TMEM151B: variants seen among roughly 807,000 people sequenced by gnomAD.
TMEM151B encodes the protein transmembrane protein 193.
In TMEM151B, 18 loss-of-function variants were observed where a neutral mutation model predicts 33.0. The ratio of observed to expected loss-of-function variants is 0.55; its 90% CI spans 0.38 to 0.81. The LOEUF (loss-of-function observed/expected upper bound fraction) is 0.81, where lower values mean the gene tolerates loss of function less well. Among genes scored for constraint, TMEM151B ranks in the 30% least tolerant of loss-of-function variants. The pLI is 0.00. For missense variants in TMEM151B, 672 were observed against 843.4 expected (o/e 0.80, Z 2.52); for synonymous variants, 354 against 373.6 (o/e 0.95, Z 0.61).
Position 44,275,990 on chromosome 6 carries a change from T to G in TMEM151B, c.1164T>G (p.Ser388=). 4 of 1,434,972 alleles carry G rather than the reference T, an allele frequency of 2.8e-6. No individual in the cohort carries two copies. The highest frequency in any genetic ancestry group is 3.7e-6 in the Non-Finnish European group (4 of 1,093,480). The allele number at this position is 1,434,972 out of a possible 1,614,324, so 88.9% of individuals were successfully genotyped here. The change falls in exon 3 of 3, where the codon TCT becomes TCG. Residue 388 remains serine (S), a synonymous_variant. Transcript: ENST00000451188. Reference sequence around the variant, plus strand: ...ACCAGCAGCTGGTGCCCAGCTACTCTGAGGCGGTGCTCATGGACCTGGCGG... The same window carrying G: ...ACCAGCAGCTGGTGCCCAGCTACTCGGAGGCGGTGCTCATGGACCTGGCGG... The part of the protein sequence containing the change: ...RSNQQLVPSY[S]EAVLMDLAGL...
At position 44,273,198 on chromosome 6, in the gene TMEM151B, C is replaced by T; in HGVS notation, c.268C>T (p.Leu90Phe). 1 of 1,549,894 alleles carries T rather than the reference C, an allele frequency of 6.5e-7. No individual in the cohort carries two copies. The change falls in exon 2 of 3, where the codon CTC becomes TTC. Residue 90 changes from leucine to phenylalanine, a missense_variant. This residue lies in a region of TMEM151B where 285 missense variants were observed against 423.1 expected (regional missense o/e 0.67). Transcript: ENST00000451188. ...GTGCCACGTCACCACAGTGACGCGC[C>T]TCACCTTCAGCAGCGCCTACCAGGG... ...AWCHVTTVTR[L>F]TFSSAYQGNS...
rs752972625 is a variant in TMEM151B, at chr6:44,273,578, C to T, written c.576+72C>T. The T allele has an allele frequency of 4.7e-4, 690 of 1,464,150 alleles. 1 individual carries two copies. Among genetic ancestry groups the T allele is most frequent in the South Asian group, 6.3e-4 (46 of 73,574 alleles). 90.7% of individuals were successfully genotyped at this position (1,464,150 alleles called of 1,614,324 possible). A position where few individuals can be genotyped will look rare whatever the true frequency, so the allele number is the denominator to read the frequency against. On this transcript the variant is annotated intron_variant, in intron 2 of 2. Coordinates refer to ENST00000451188, the MANE Select transcript of TMEM151B (RefSeq NM_001137560.2). ...ACTTACGTGCTGCCTCACTCCCTCC[C>T]CACCTCCCTGGGGGGAAGGTGGGAG...
chr6:44,274,578 A>G (rs958213400), intron 2 of TMEM151B, among the ~76,000 whole-genome samples: 1 of 152,236 alleles, frequency 6.6e-6, no homozygotes, highest in Admixed American at 6.5e-5. Context: ...GGTGAGAAGC[A>G]GGAAGGAGGC....
rs1268553130 is a variant in TMEM151B at position 44,277,020 on chromosome 6, TTC to T, written c.*494_*495del. ...ATGGTTTGGTGACCAGCAGGCTGGA[TTC>T]CAACTAGCTAATGCATTCAGCAGGT... On this transcript the variant is annotated 3_prime_UTR_variant, in exon 3 of 3. Transcript: ENST00000451188. The T allele has an allele frequency of 6.5e-6, 1 of 153,066 alleles. No individual in the cohort carries two copies. The highest frequency in any genetic ancestry group is 1.5e-5 in the Non-Finnish European group (1 of 68,656). The allele number at this position is 153,066 out of a possible 1,614,324, so 9.5% of individuals were successfully genotyped here. A position where few individuals can be genotyped will look rare whatever the true frequency, so the allele number is the denominator to read the frequency against.
chr6:44,271,350 A>AGTGTGT lies in TMEM151B; in HGVS notation c.135+487_135+492dup, dbSNP rs1178828687. ...GGGGGTCCCGCCTGTGGTCATTGGG[A>AGTGTGT]GTGTGTGTGTGTGTGTGTGGGGGGG... On this transcript the variant is annotated intron_variant, in intron 1 of 2. Coordinates refer to ENST00000451188, the MANE Select transcript of TMEM151B (RefSeq NM_001137560.2). Among the ~76,000 whole-genome samples the AGTGTGT allele has an allele frequency of 8.3e-4, 68 of 82,098 alleles. 7 individuals carry two copies. Among genetic ancestry groups the AGTGTGT allele is most frequent in the African/African-American group, 2.3e-3 (40 of 17,128 alleles). The allele number at this position is 82,098 out of a possible 152,430, so 53.9% of individuals were successfully genotyped here.
chr6:44,275,062 G>A (rs1038908745), intron 2 of TMEM151B, among the ~76,000 whole-genome samples: 1 of 147,798 alleles, frequency 6.8e-6, no homozygotes, highest in Non-Finnish European at 1.5e-5. Flanking sequence ...AGCTTGCAGT[G>A]AGCCGAGATG....
At chr6:44,273,630 T>G in intron 2 of TMEM151B, 124 bp downstream of exon 2, 1 of 1,082,602 alleles carries the variant, frequency 9.2e-7, no homozygotes, top group Non-Finnish European at 1.3e-6. Context: ...TGAGCTCCCA[T>G]GAGCATTGCA....
Position 44,270,663 on chromosome 6 carries a change from TC to T in TMEM151B, c.-76del. On this transcript the variant is annotated 5_prime_UTR_variant, in exon 1 of 3. Coordinates refer to ENST00000451188, the MANE Select transcript of TMEM151B (RefSeq NM_001137560.2). ...GAGGGCCCCGCCCCCTCCCGTCCTC[TC>T]CCCAGGGCCCGCGCAGGATGCCCCC... 3.8e-6 allele frequency: 1 copy of T among 265,650 alleles called. No individual in the cohort carries two copies. Among genetic ancestry groups the T allele is most frequent in the East Asian group, 1.1e-4 (1 of 8,908 alleles). The allele number at this position is 265,650 out of a possible 1,614,324, so 16.5% of individuals were successfully genotyped here. A position where few individuals can be genotyped will look rare whatever the true frequency, so the allele number is the denominator to read the frequency against.
intron 1 of TMEM151B, among the ~76,000 whole-genome samples, chr6:44,271,487 G>C (rs1036799072): frequency 1.5e-4 from 23 of 151,800 alleles, no homozygotes; most frequent in African/African-American, 5.1e-4. Context: ...AAAGTACCAG[G>C]AGCACCCCCA....
In TMEM151B at chr6:44,276,065, C is replaced by A; in HGVS notation, c.1239C>A (p.Cys413Ter). 7.5e-7 allele frequency: 1 copy of A among 1,339,608 alleles called. No homozygotes were observed. The highest frequency in any genetic ancestry group is 9.5e-7 in the Non-Finnish European group (1 of 1,052,490). 83.0% of individuals were successfully genotyped at this position (1,339,608 alleles called of 1,614,324 possible). The change falls in exon 3 of 3, where the codon TGC becomes TGA. Residue 413 changes from cysteine (C) to a stop codon, truncating the protein, a stop_gained. Coordinates refer to ENST00000451188, the MANE Select transcript of TMEM151B (RefSeq NM_001137560.2). LOFTEE classifies it low-confidence loss of function (END_TRUNC). ...GGAGGGYAPS[C>*]RYGGVGGPGA... ...CAGGCGGCGGCTACGCGCCCTCGTG[C>A]CGCTACGGTGGGGTAGGCGGCCCGG...
chr6:44,275,117 C>CAAAAAAAAAAAAA (rs55699643), intron 2 of TMEM151B, among the ~76,000 whole-genome samples: 4 of 111,810 alleles, frequency 3.6e-5, no homozygotes, highest in Non-Finnish European at 5.5e-5. Flanking sequence ...GACTCCATCT[C>CAAAAAAAAAAAAA]AAAAAAAAAA....
In TMEM151B at chr6:44,276,935, T is replaced by G. The variant is rs1485363680; in HGVS notation, c.*408T>G. On this transcript the variant is annotated 3_prime_UTR_variant, in exon 3 of 3. Transcript: ENST00000451188. ...ATTTAGAGGCTGTGGAGAAGGGAACTTGGGGCTTTCCTTCCTTCGTGGCCT... is the reference window on the plus strand; with the variant it reads ...ATTTAGAGGCTGTGGAGAAGGGAACGTGGGGCTTTCCTTCCTTCGTGGCCT... The G allele has an allele frequency of 6.0e-6, 1 of 165,670 alleles. No individual in the cohort carries two copies. The highest frequency in any genetic ancestry group is 1.3e-5 in the Non-Finnish European group (1 of 77,532). The allele number at this position is 165,670 out of a possible 1,614,324, so 10.3% of individuals were successfully genotyped here.
intron 1 of TMEM151B, among the ~76,000 whole-genome samples, chr6:44,271,463 CAA>C (rs1001915938): frequency 2.0e-5 from 3 of 151,052 alleles, no homozygotes; most frequent in African/African-American, 7.3e-5. Context: ...AACCTGAAGA[CAA>C]AGAGACGGAG....
In TMEM151B at chr6:44,273,043, C is replaced by T. The variant is rs956725331; in HGVS notation, c.136-23C>T. 2.4e-5 allele frequency: 35 copies of T among 1,472,054 alleles called. No homozygotes were observed. The East Asian group carries it at 8.2e-4, about 35-fold the overall frequency. 91.2% of individuals were successfully genotyped at this position (1,472,054 alleles called of 1,614,324 possible). A position where few individuals can be genotyped will look rare whatever the true frequency, so the allele number is the denominator to read the frequency against. On this transcript the variant is annotated intron_variant, in intron 1 of 2. Transcript: ENST00000451188. ...CTCTCACTTCCCACTCATCTTGGCC[C>T]CTCTCCCTGCCCACCTGAGCAGCAG... is the stretch of plus-strand genomic sequence containing the variant.
chr6:44,274,071 C>T (rs904977634), intron 2 of TMEM151B, among the ~76,000 whole-genome samples: 16 of 152,008 alleles, frequency 1.1e-4, no homozygotes, highest in Admixed American at 2.0e-4. Context: ...AAAGAAGTAG[C>T]TGGTGTGGTG....
rs1349735235 is a variant in TMEM151B, at chr6:44,276,576, G to C, written c.*49G>C. On this transcript the variant is annotated 3_prime_UTR_variant, in exon 3 of 3. Coordinates refer to ENST00000451188, the MANE Select transcript of TMEM151B (RefSeq NM_001137560.2). ...GCCGTCCTCCCGCCTGCCCCTCGCC[G>C]GACTGTGCTCCCTCTGCGACGCAGG... 1.5e-5 allele frequency: 20 copies of C among 1,330,298 alleles called. No homozygotes were observed. Among genetic ancestry groups the C allele is most frequent in the Non-Finnish European group, 1.9e-5 (20 of 1,039,260 alleles). 82.4% of individuals were successfully genotyped at this position (1,330,298 alleles called of 1,614,324 possible).
intron 1 of TMEM151B, among the ~76,000 whole-genome samples, chr6:44,271,437 A>C (rs568936815): frequency 2.0e-4 from 30 of 147,456 alleles, no homozygotes; most frequent in African/African-American, 5.8e-4. Flanking sequence ...TGGGGTCCCT[A>C]GTACTCAGTC....
At position 44,278,788 on chromosome 6, in the gene TMEM151B, AAATT is replaced by A. The variant is rs751542720; in HGVS notation, c.*2269_*2272del. 6 of 152,100 alleles carry A rather than the reference AAATT, an allele frequency of 3.9e-5. No homozygotes were observed. The highest frequency in any genetic ancestry group is 1.9e-4 in the East Asian group (1 of 5,200). 9.4% of individuals were successfully genotyped at this position (152,100 alleles called of 1,614,324 possible). A position where few individuals can be genotyped will look rare whatever the true frequency, so the allele number is the denominator to read the frequency against. On this transcript the variant is annotated 3_prime_UTR_variant, in exon 3 of 3. Coordinates refer to ENST00000451188, the MANE Select transcript of TMEM151B (RefSeq NM_001137560.2). ...ATTGCCAGGGAAAATGAAAACCAGA[AAATT>A]AATTAATCTCTAAAATTAAACTTTA... is the stretch of plus-strand genomic sequence containing the variant.
At position 44,276,109 on chromosome 6, in the gene TMEM151B, C is replaced by T. The variant is rs1782577618; in HGVS notation, c.1283C>T (p.Pro428Leu). ...VGGPGAAGVA[P>L]YRRSCEHCQR... The stretch of plus-strand genomic sequence containing the variant: ...GGCCCGGGCGCGGCGGGCGTGGCTC[C>T]CTACCGGCGCAGCTGCGAGCACTGC... Residue 428 changes from proline (P) to leucine (L), a missense_variant, in exon 3 of 3, where the codon CCC (proline) becomes CTC (leucine). Transcript: ENST00000451188. The T allele has an allele frequency of 7.6e-7, 1 of 1,321,756 alleles. No individual in the cohort carries two copies. The highest frequency in any genetic ancestry group is 2.2e-5 in the South Asian group (1 of 44,524). 81.9% of individuals were successfully genotyped at this position (1,321,756 alleles called of 1,614,324 possible).
Sources: allele counts gnomAD v4.1 joint callset (sites outside exome capture counted in the v4.1 genomes callset), GRCh38; gene constraint gnomAD v4.1.1; regional missense constraint gnomAD v4.1.1; transcripts MANE v1.5; gene names NCBI Gene and HGNC (gene_info 2026-07-23, HGNC 2026-07-21).